ADAM2: variants seen among roughly 807,000 people sequenced by gnomAD.
The protein encoded by ADAM2 is disintegrin and metalloproteinase domain-containing protein 2.
ADAM2 carries 101 observed loss-of-function variants against 99.3 expected under a neutral mutation model. The observed-to-expected ratio is 1.02, with a 90% confidence interval of 0.87 to 1.20. ADAM2 has a LOEUF of 1.20. Ranked by LOEUF, ADAM2 falls within the 50% of genes most tolerant of loss-of-function variation. ADAM2 has a pLI of 0.00. For synonymous variants in ADAM2, 323 were observed against 287.6 expected (o/e 1.12, Z -1.25); for missense variants, 948 against 878.7 (o/e 1.08, Z -1.00).
At chr8:39,834,652 T>C (rs1394080475) in intron 2 of ADAM2, among the ~76,000 whole-genome samples, 1 of 142,736 alleles carries the variant, frequency 7.0e-6, no homozygotes, top group Non-Finnish European at 1.5e-5. Flanking sequence ...GAGAATCACT[T>C]GAACCTTGGG....
chr8:39,749,356 T>A lies in ADAM2; in HGVS notation c.1970A>T (p.Asp657Val). The A allele has an allele frequency of 6.2e-7, 1 of 1,613,372 alleles. No individual in the cohort carries two copies. Among genetic ancestry groups the A allele is most frequent in the Non-Finnish European group, 8.5e-7 (1 of 1,179,480 alleles). ...AGCTACAGGTGGAAAATTGCCACTG[T>A]CAATACTCCCACCAGGCCATAGATC... ...QSDLWPGGSI[D>V]SGNFPPVAIP... is the part of the protein sequence containing the mutation. Residue 657 changes from aspartate (D) to valine (V), a missense_variant, in exon 18 of 21, where the codon GAC becomes GTC. Asp to Val is a radical substitution (Grantham distance 152). Coordinates refer to ENST00000265708, the MANE Select transcript of ADAM2 (RefSeq NM_001464.5).
At chr8:39,834,348 T>G (rs1805732952) in intron 2 of ADAM2, among the ~76,000 whole-genome samples, 1 of 152,178 alleles carries the variant, frequency 6.6e-6, no homozygotes, top group Non-Finnish European at 1.5e-5. Flanking sequence ...ATAAAGATAT[T>G]TGACTTCCTT....
intron 2 of ADAM2, among the ~76,000 whole-genome samples, chr8:39,835,835 T>C (rs1805802311): frequency 6.6e-6 from 1 of 152,068 alleles, no homozygotes; most frequent in African/African-American, 2.4e-5. Flanking sequence ...TTAAAAATAC[T>C]GTTAATTCAT....
intron 6 of ADAM2, among the ~76,000 whole-genome samples, chr8:39,818,269 C>T (rs1805034771): frequency 6.6e-6 from 1 of 151,922 alleles, no homozygotes. Flanking sequence ...GTTTAATAAT[C>T]AAAAGTCAAT....
In ADAM2 at chr8:39,749,653, G is replaced by A; in HGVS notation, c.1875+14C>T. 6.2e-7 allele frequency: 1 copy of A among 1,602,004 alleles called. No individual in the cohort carries two copies. Among genetic ancestry groups the A allele is most frequent in the Non-Finnish European group, 8.5e-7 (1 of 1,171,298 alleles). ...CAATGATTTCTATTTTCACCTCATAGTACTGCTACTTACACCTCTATCATT... is the reference window on the plus strand; with the variant it reads ...CAATGATTTCTATTTTCACCTCATAATACTGCTACTTACACCTCTATCATT... On this transcript the variant is annotated intron_variant, in intron 17 of 20. Coordinates refer to ENST00000265708, the MANE Select transcript of ADAM2 (RefSeq NM_001464.5).
chr8:39,820,012 A>G (rs2129588019), intron 6 of ADAM2, among the ~76,000 whole-genome samples: 1 of 152,290 alleles, frequency 6.6e-6, no homozygotes, highest in South Asian at 2.1e-4. Context: ...AGACAATTCT[A>G]TAGAGAGAAG....
At chr8:39,829,927 A>G (rs1338434389) in intron 3 of ADAM2, among the ~76,000 whole-genome samples, 1 of 152,120 alleles carries the variant, frequency 6.6e-6, no homozygotes, top group Non-Finnish European at 1.5e-5. Flanking sequence ...AAGAAACCAC[A>G]TTAGCTAGGA....
intron 10 of ADAM2, among the ~76,000 whole-genome samples, chr8:39,778,176 AC>A (rs1289166351): frequency 6.6e-6 from 1 of 151,698 alleles, no homozygotes; most frequent in African/African-American, 2.4e-5. Context: ...ATATCCTGCT[AC>A]CCCTTCAAAT....
chr8:39,809,315 T>G, intron 7 of ADAM2, 95 bp downstream of exon 7: 2 of 648,644 alleles, frequency 3.1e-6, no homozygotes, highest in Non-Finnish European at 5.4e-6. Flanking sequence ...AAGGCAAAAT[T>G]ATCAATTCTT....
intron 19 of ADAM2, among the ~76,000 whole-genome samples, chr8:39,746,075 G>T (rs1823434982): frequency 6.6e-6 from 1 of 151,950 alleles, no homozygotes; most frequent in South Asian, 2.1e-4. Flanking sequence ...GCCTAGGCTA[G>T]AGTGCAGTGG....
rs1262354959 is a variant in ADAM2, at chr8:39,838,164, G to A, written c.22C>T (p.Leu8Phe). MWRVLFL[L>F]SGLGGLRMDS... ...ATCCGCAGCCCGCCGAGCCCGCTGA[G>A]CAGAAACAAGACGCGCCACATGGCT... The change falls in exon 1 of 21, where the codon CTC becomes TTC. Residue 8 changes from leucine to phenylalanine, a missense_variant. Leu to Phe is a conservative substitution (Grantham distance 22). Coordinates refer to ENST00000265708, the MANE Select transcript of ADAM2 (RefSeq NM_001464.5). 2 of 1,614,056 alleles carry A rather than the reference G, an allele frequency of 1.2e-6. No individual in the cohort carries two copies. The highest frequency in any genetic ancestry group is 2.7e-5 in the African/African-American group (2 of 74,920).
At chr8:39,748,267 T>A (rs896194065) in intron 18 of ADAM2, among the ~76,000 whole-genome samples, 3 of 152,176 alleles carry the variant, frequency 2.0e-5, no homozygotes, top group Non-Finnish European at 2.9e-5. Context: ...CTTCACATTT[T>A]ATTGATCAAT....
At chr8:39,789,628 T>C (rs974722337) in intron 7 of ADAM2, among the ~76,000 whole-genome samples, 1 of 151,722 alleles carries the variant, frequency 6.6e-6, no homozygotes, top group Non-Finnish European at 1.5e-5. Flanking sequence ...TGCCCAGAAA[T>C]AGATTCTAAC....
intron 16 of ADAM2, among the ~76,000 whole-genome samples, chr8:39,754,187 A>G (rs1802062949): frequency 6.6e-6 from 1 of 152,228 alleles, no homozygotes; most frequent in African/African-American, 2.4e-5. Flanking sequence ...GTGGCAGGGT[A>G]CTGCCTGTCA....
At chr8:39,823,351 T>C (rs1444471905) in intron 4 of ADAM2, among the ~76,000 whole-genome samples, 1 of 152,160 alleles carries the variant, frequency 6.6e-6, no homozygotes, top group Non-Finnish European at 1.5e-5. Context: ...ATCCAATAAA[T>C]ACACCTGTTC....
Position 39,790,320 on chromosome 8 carries a change from G to A in ADAM2, c.571-1580C>T, listed in dbSNP as rs571090660. 9.2e-5 allele frequency among the ~76,000 whole-genome samples: 14 copies of A among 151,872 alleles called. No homozygotes were observed. In the East Asian group the frequency reaches 1.5e-3, roughly 17 times the overall value. ...ACTAATGAATAGGTAATCAAATTGCGACACAATAGGCTATTTTACAGTAAG... is the reference window on the plus strand; with the variant it reads ...ACTAATGAATAGGTAATCAAATTGCAACACAATAGGCTATTTTACAGTAAG... On this transcript the variant is annotated intron_variant, in intron 7 of 20. Transcript: ENST00000265708.
chr8:39,777,181 G>A lies in ADAM2; in HGVS notation c.892-20C>T, dbSNP rs752900340. On this transcript the variant is annotated intron_variant, in intron 10 of 20. Coordinates refer to ENST00000265708, the MANE Select transcript of ADAM2 (RefSeq NM_001464.5). ...GGGGTGCTGAGAAAAAAAAATAGAT[G>A]TACACGTTTTGGGAGATTATTTTGT... is the stretch of plus-strand genomic sequence containing the variant. The A allele has an allele frequency of 6.3e-7, 1 of 1,587,748 alleles. No homozygotes were observed. Among genetic ancestry groups the A allele is most frequent in the Non-Finnish European group, 8.6e-7 (1 of 1,167,652 alleles).
intron 7 of ADAM2, among the ~76,000 whole-genome samples, chr8:39,801,883 G>A (rs1198057447): frequency 1.3e-5 from 2 of 152,164 alleles, no homozygotes; most frequent in Non-Finnish European, 2.9e-5. Flanking sequence ...GGGGAAAAGA[G>A]CAGCCTGGGA....
Position 39,748,366 on chromosome 8 carries a change from C to T in ADAM2, c.2014+946G>A, listed in dbSNP as rs1250605115. ...GTGCATGAATAGAAACAATTAATTGCAGCCAATGGGAAGATAAGCTAATTG... is the reference window on the plus strand; with the variant it reads ...GTGCATGAATAGAAACAATTAATTGTAGCCAATGGGAAGATAAGCTAATTG... On this transcript the variant is annotated intron_variant, in intron 18 of 20. Transcript: ENST00000265708. 2.0e-5 allele frequency among the ~76,000 whole-genome samples: 3 copies of T among 152,214 alleles called. No homozygotes were observed. In the East Asian group the frequency reaches 5.8e-4, roughly 29 times the overall value.
Sources: gnomAD v4.1 joint callset for allele counts (sites outside exome capture counted in the v4.1 genomes callset) on GRCh38, gnomAD v4.1.1 for gene constraint, MANE v1.5 for transcripts, NCBI Gene and HGNC (gene_info 2026-07-23, HGNC 2026-07-21) for gene names.